WDR49: variants seen among roughly 807,000 people sequenced by gnomAD.
WDR49 encodes the protein WD repeat domain 49.
WDR49 carries 107 observed loss-of-function variants against 119.5 expected under a neutral mutation model. The ratio of observed to expected loss-of-function variants is 0.90; its 90% CI spans 0.77 to 1.05. The LOEUF (loss-of-function observed/expected upper bound fraction) is 1.05. Ranked by LOEUF, WDR49 falls within the 50% of genes least tolerant of loss-of-function variation. The pLI is 0.00. For missense variants in WDR49, 1,240 were observed against 1,220.5 expected (o/e 1.02, Z -0.24); for synonymous variants, 425 against 418.8 (o/e 1.01, Z -0.18).
intron 7 of WDR49, among the ~76,000 whole-genome samples, chr3:167,579,881 A>G (rs1232295309): frequency 6.6e-6 from 1 of 152,066 alleles, no homozygotes; most frequent in Non-Finnish European, 1.5e-5. Context: ...TTTAGTATGG[A>G]CCCCTTCTAA....
chr3:167,560,372 A>G (rs914967706), intron 8 of WDR49, 144 bp from the exon 9 acceptor site: 51 of 813,876 alleles, frequency 6.3e-5, no homozygotes, highest in Non-Finnish European at 8.6e-5. Context: ...CTTTCTTTCT[A>G]TTAAGCTGAT....
chr3:167,631,970 T>C (rs1428412486), intron 2 of WDR49, among the ~76,000 whole-genome samples: 1 of 152,122 alleles, frequency 6.6e-6, no homozygotes, highest in African/African-American at 2.4e-5. Context: ...TTATCTTTGT[T>C]CAGTTATTAA....
At chr3:167,532,640 T>G (rs1577222106) in intron 12 of WDR49, among the ~76,000 whole-genome samples, 1 of 152,114 alleles carries the variant, frequency 6.6e-6, no homozygotes, top group East Asian at 1.9e-4. Context: ...CTGTCGGTAG[T>G]TCAGAAATAC....
chr3:167,489,941 T>G (rs762152570), intron 18 of WDR49, among the ~76,000 whole-genome samples: 20 of 152,136 alleles, frequency 1.3e-4, no homozygotes, highest in Non-Finnish European at 2.8e-4. Context: ...GGAGTTCTCA[T>G]TAAAATACAA....
intron 10 of WDR49, among the ~76,000 whole-genome samples, chr3:167,543,440 A>G (rs920823940): frequency 5.9e-5 from 9 of 151,996 alleles, no homozygotes; most frequent in Non-Finnish European, 1.3e-4. Context: ...AGATAATCCA[A>G]CATGATCAAG....
chr3:167,531,976 A>G (rs1172296217), intron 12 of WDR49, among the ~76,000 whole-genome samples: 2 of 152,148 alleles, frequency 1.3e-5, no homozygotes, highest in South Asian at 4.1e-4. Context: ...TGTAAAGCCC[A>G]GTGTAGAAGA....
At chr3:167,560,281 T>C in intron 8 of WDR49, 53 bp from the exon 9 acceptor site, 1 of 1,530,784 alleles carries the variant, frequency 6.5e-7, no homozygotes. Context: ...GAATCAACCA[T>C]TTATATTTCA....
intron 10 of WDR49, among the ~76,000 whole-genome samples, chr3:167,541,155 T>A (rs942975333): frequency 6.6e-6 from 1 of 152,164 alleles, no homozygotes; most frequent in Non-Finnish European, 1.5e-5. Context: ...AAAACTTCCA[T>A]GACCTTTCTA....
At chr3:167,525,596 AC>A (rs1752603349) in intron 15 of WDR49, among the ~76,000 whole-genome samples, 1 of 152,070 alleles carries the variant, frequency 6.6e-6, no homozygotes, top group African/African-American at 2.4e-5. Context: ...GCCTAGCACA[AC>A]AGTAGTTAGT....
intron 7 of WDR49, among the ~76,000 whole-genome samples, chr3:167,579,670 T>A (rs181275949): frequency 5.1e-4 from 78 of 152,254 alleles, no homozygotes; most frequent in Admixed American, 1.8e-3. Context: ...AAAAAAATTT[T>A]AAAAAAATTG....
intron 6 of WDR49, among the ~76,000 whole-genome samples, chr3:167,603,124 G>T (rs1715863452): frequency 6.6e-6 from 1 of 152,124 alleles, no homozygotes; most frequent in Non-Finnish European, 1.5e-5. Flanking sequence ...TATGGAATAA[G>T]ATATTTTTGA....
intron 16 of WDR49, among the ~76,000 whole-genome samples, chr3:167,515,051 A>G (rs1179990754): frequency 1.3e-5 from 2 of 152,128 alleles, no homozygotes; most frequent in Non-Finnish European, 2.9e-5. Flanking sequence ...TCTACCAGAG[A>G]TACAAAAAGG....
At chr3:167,635,016 T>G (rs1403962382) in intron 2 of WDR49, among the ~76,000 whole-genome samples, 1 of 151,838 alleles carries the variant, frequency 6.6e-6, no homozygotes, top group Non-Finnish European at 1.5e-5. Context: ...ATTACAATTT[T>G]TAATGGCTGC....
At chr3:167,591,800 T>C (rs1408674694) in intron 7 of WDR49, among the ~76,000 whole-genome samples, 1 of 152,154 alleles carries the variant, frequency 6.6e-6, no homozygotes, top group Non-Finnish European at 1.5e-5. Context: ...TTAAGTGTCT[T>C]TCTTGTAGGC....
intron 8 of WDR49, among the ~76,000 whole-genome samples, chr3:167,569,413 G>A (rs906404811): frequency 7.2e-5 from 11 of 151,896 alleles, no homozygotes; most frequent in South Asian, 6.2e-4. Flanking sequence ...TAGTACATAC[G>A]TATCTTTTAT....
At chr3:167,584,258 C>A (rs1269502000) in intron 7 of WDR49, among the ~76,000 whole-genome samples, 2 of 152,046 alleles carry the variant, frequency 1.3e-5, no homozygotes, top group Non-Finnish European at 2.9e-5. Flanking sequence ...GAAAAAAAAT[C>A]TGAACTTAGA....
intron 16 of WDR49, among the ~76,000 whole-genome samples, chr3:167,515,472 T>G (rs1178613124): frequency 1.3e-5 from 2 of 152,168 alleles, no homozygotes; most frequent in Non-Finnish European, 2.9e-5. Context: ...AAAATATATA[T>G]TGAAGGAACA....
intron 2 of WDR49, among the ~76,000 whole-genome samples, chr3:167,647,231 C>A (rs987786581): frequency 8.5e-5 from 13 of 152,248 alleles, no homozygotes; most frequent in South Asian, 4.1e-4. Context: ...CTGTAACAAG[C>A]TTTTCTTGGT....
intron 7 of WDR49, among the ~76,000 whole-genome samples, chr3:167,584,130 A>T (rs971264688): frequency 6.6e-6 from 1 of 152,190 alleles, no homozygotes; most frequent in Non-Finnish European, 1.5e-5. Context: ...CCTTTTAGAA[A>T]AAAAGTTAGT....
Sources: allele counts gnomAD v4.1 joint callset (sites outside exome capture counted in the v4.1 genomes callset), GRCh38; gene constraint gnomAD v4.1.1; transcripts MANE v1.5; gene names NCBI Gene and HGNC (gene_info 2026-07-23, HGNC 2026-07-21).